HACE1: variants seen among roughly 807,000 people sequenced by gnomAD.
HACE1 encodes HECT domain and ankyrin repeat containing E3 ubiquitin protein ligase 1.
Under a neutral mutation model 118.4 loss-of-function variants are expected in HACE1, and 73 were observed. The observed-to-expected ratio is 0.62, with a 90% CI of 0.51 to 0.75. The LOEUF is 0.75. Ranked by LOEUF, HACE1 falls within the 30% of genes least tolerant of loss-of-function variation. HACE1 has a pLI of 0.00. For missense variants in HACE1, 749 were observed against 1,102.2 expected (o/e 0.68, Z 4.54); for synonymous variants, 368 against 374.8 (o/e 0.98, Z 0.21).
chr6:104,776,722 T>C lies in HACE1; in HGVS notation c.1864+19A>G. On this transcript the variant is annotated intron_variant, in intron 17 of 23. Coordinates refer to ENST00000262903, the MANE Select transcript of HACE1 (RefSeq NM_020771.4). ...ATGTGACAAGTTGCAGAAAAAGTCA[T>C]CTAGACTGTACAACTTACCATCAGC... The C allele has an allele frequency of 7.0e-7, 1 of 1,438,192 alleles. No homozygotes were observed. Among genetic ancestry groups the C allele is most frequent in the Non-Finnish European group, 9.8e-7 (1 of 1,019,222 alleles). The allele number at this position is 1,438,192 out of a possible 1,614,324, so 89.1% of individuals were successfully genotyped here. A position where few individuals can be genotyped will look rare whatever the true frequency, so the allele number is the denominator to read the frequency against.
At chr6:104,831,615 C>T (rs888343199) in intron 6 of HACE1, among the ~76,000 whole-genome samples, 13 of 148,528 alleles carry the variant, frequency 8.8e-5, no homozygotes, top group African/African-American at 3.2e-4. Flanking sequence ...AGAAAGAGGC[C>T]GGGCACGGTG....
Position 104,859,736 on chromosome 6 carries a change from G to A in HACE1, c.-94C>T. On this transcript the variant is annotated 5_prime_UTR_variant, in exon 1 of 24. Transcript: ENST00000262903. ...ACATCTCGCCTGGGCCCGTCCAGCAGGCGGAGACGCGGGCTTGCCCCGGCT... is the reference window on the plus strand; with the variant it reads ...ACATCTCGCCTGGGCCCGTCCAGCAAGCGGAGACGCGGGCTTGCCCCGGCT... 8.5e-7 allele frequency: 1 copy of A among 1,173,934 alleles called. No homozygotes were observed. The highest frequency in any genetic ancestry group is 1.2e-6 in the Non-Finnish European group (1 of 836,008). The allele number at this position is 1,173,934 out of a possible 1,614,324, so 72.7% of individuals were successfully genotyped here. A position where few individuals can be genotyped will look rare whatever the true frequency, so the allele number is the denominator to read the frequency against.
rs148393284 is a variant in HACE1 at position 104,801,071 on chromosome 6, C to T, written c.618-4046G>A. On this transcript the variant is annotated intron_variant, in intron 7 of 23. Transcript: ENST00000262903. ...TGGCTAGAGAACTTCATAATGCATGCACAAGCTTCAATAGCCGATTCGATC... is the reference window on the plus strand; with the variant it reads ...TGGCTAGAGAACTTCATAATGCATGTACAAGCTTCAATAGCCGATTCGATC... Among the ~76,000 whole-genome samples, 1,091 of 152,192 alleles carry T rather than the reference C, an allele frequency of 7.2e-3. 10 individuals carry two copies. Among genetic ancestry groups the T allele is most frequent in the African/African-American group, 0.025 (1,049 of 41,528 alleles).
intron 19 of HACE1, among the ~76,000 whole-genome samples, chr6:104,754,485 C>G (rs1778397164): frequency 6.6e-6 from 1 of 152,120 alleles, no homozygotes; most frequent in South Asian, 2.1e-4. Flanking sequence ...CCAAAGCCAT[C>G]AGATTCCCCA....
At chr6:104,818,911 T>A (rs1298602498) in intron 6 of HACE1, among the ~76,000 whole-genome samples, 2 of 152,010 alleles carry the variant, frequency 1.3e-5, no homozygotes, top group African/African-American at 4.8e-5. Context: ...GAACCATCTA[T>A]GACAAACTCA....
intron 22 of HACE1, among the ~76,000 whole-genome samples, chr6:104,733,737 G>A (rs963928294): frequency 6.6e-6 from 1 of 151,472 alleles, no homozygotes; most frequent in Non-Finnish European, 1.5e-5. Flanking sequence ...TGTAATTGGA[G>A]GCTAAGGAAG....
intron 22 of HACE1, among the ~76,000 whole-genome samples, chr6:104,737,949 C>G (rs959503135): frequency 2.6e-5 from 4 of 152,212 alleles, no homozygotes; most frequent in Non-Finnish European, 5.9e-5. Flanking sequence ...TTGAGGAGAG[C>G]AGTGGTTCTC....
chr6:104,840,551 C>G (rs77396099), intron 5 of HACE1, among the ~76,000 whole-genome samples: 1,633 of 152,050 alleles, frequency 0.011, 17 homozygotes, highest in South Asian at 0.014. Context: ...GAGAGAGGCC[C>G]GTCGCGGTGG....
At chr6:104,737,696 G>C (rs1394798948) in intron 22 of HACE1, among the ~76,000 whole-genome samples, 3 of 152,194 alleles carry the variant, frequency 2.0e-5, no homozygotes, top group Non-Finnish European at 4.4e-5. Flanking sequence ...GAGTCTCGCT[G>C]ATTGCTAGCA....
At chr6:104,795,752 G>A (rs888658946) in intron 9 of HACE1, 67 bp from the exon 10 acceptor site, 5 of 947,606 alleles carry the variant, frequency 5.3e-6, no homozygotes, top group East Asian at 5.1e-5. Context: ...AAACAATTAA[G>A]TACCTATTAA....
intron 5 of HACE1, among the ~76,000 whole-genome samples, chr6:104,833,486 G>A (rs933407889): frequency 1.3e-5 from 2 of 152,048 alleles, no homozygotes; most frequent in African/African-American, 4.8e-5. Context: ...GCTGAAATTA[G>A]GTTTTATATG....
At chr6:104,852,228 TGCGCGC>T (rs112776563) in intron 2 of HACE1, 83 bp downstream of exon 2, 22 of 661,274 alleles carry the variant, frequency 3.3e-5, no homozygotes, top group African/African-American at 3.2e-4. Context: ...TGTGTGTGTG[TGCGCGC>T]GTGCGCGTGC....
chr6:104,736,281 TTTATTA>T (rs1008073158), intron 22 of HACE1, among the ~76,000 whole-genome samples: 3 of 151,596 alleles, frequency 2.0e-5, no homozygotes, highest in Admixed American at 6.6e-5. Flanking sequence ...TTTATTATTT[TTTATTA>T]TTATTATTAT....
chr6:104,737,760 C>A (rs919281393), intron 22 of HACE1, among the ~76,000 whole-genome samples: 4 of 152,320 alleles, frequency 2.6e-5, no homozygotes, highest in African/African-American at 9.6e-5. Context: ...GAGGGGCGCC[C>A]GCCATTTTCC....
At chr6:104,786,618 AAACAAAC>A (rs1782441145) in intron 11 of HACE1, 1 of 149,122 alleles carries the variant, frequency 6.7e-6, no homozygotes, top group East Asian at 2.0e-4. Flanking sequence ...AAAAAAAAAA[AAACAAAC>A]AAACAAACAA....
At chr6:104,846,742 TA>T in intron 4 of HACE1, among the ~76,000 whole-genome samples, 1 of 152,276 alleles carries the variant, frequency 6.6e-6, no homozygotes, top group East Asian at 1.9e-4. Context: ...TGTGAACTCA[TA>T]AAGAAATTAC....
At chr6:104,768,203 T>C (rs1011160921) in intron 19 of HACE1, among the ~76,000 whole-genome samples, 2 of 152,154 alleles carry the variant, frequency 1.3e-5, no homozygotes, top group Non-Finnish European at 2.9e-5. Context: ...GACTCCCCCA[T>C]GTGGAGATCA....
intron 14 of HACE1, among the ~76,000 whole-genome samples, chr6:104,780,646 G>T (rs966060135): frequency 2.6e-5 from 4 of 151,870 alleles, no homozygotes. Flanking sequence ...AAACACTTAG[G>T]CATTTATTTC....
At chr6:104,845,273 T>G (rs149119727) in intron 4 of HACE1, among the ~76,000 whole-genome samples, 1 of 152,070 alleles carries the variant, frequency 6.6e-6, no homozygotes, top group Non-Finnish European at 1.5e-5. Flanking sequence ...GCCAGGCTCA[T>G]AGTAGCTCTC....
Sources: allele counts gnomAD v4.1 joint callset (sites outside exome capture counted in the v4.1 genomes callset), GRCh38; gene constraint gnomAD v4.1.1; transcripts MANE v1.5; gene names NCBI Gene and HGNC (gene_info 2026-07-23, HGNC 2026-07-21).